The following KCNT2 variants were observed in gnomAD, a reference collection of about 807,000 sequenced individuals.
KCNT2 encodes the protein potassium sodium-activated channel subfamily T member 2.
KCNT2 carries 67 observed loss-of-function variants against 153.8 expected under a neutral mutation model. That is an observed-to-expected ratio of 0.44 (90% CI 0.36 to 0.53). The LOEUF is 0.53. Ranked by LOEUF, KCNT2 falls within the 20% of genes least tolerant of loss-of-function variation. KCNT2 has a pLI of 0.00. For missense variants in KCNT2, 975 were observed against 1,354.8 expected (o/e 0.72, Z 4.40); for synonymous variants, 500 against 458.8 (o/e 1.09, Z -1.15).
intron 18 of KCNT2, among the ~76,000 whole-genome samples, chr1:196,327,878 C>A (rs1033784062): frequency 1.3e-5 from 2 of 151,620 alleles, no homozygotes; most frequent in African/African-American, 4.8e-5. Flanking sequence ...CTCAAGCAAT[C>A]CACCCACCTC....
chr1:196,519,946 T>G (rs933461931), intron 1 of KCNT2, among the ~76,000 whole-genome samples: 4 of 152,132 alleles, frequency 2.6e-5, no homozygotes, highest in African/African-American at 9.7e-5. Flanking sequence ...GCTCATTCTA[T>G]GAGGCCAGGA....
At chr1:196,416,557 A>G (rs776111365) in intron 12 of KCNT2, among the ~76,000 whole-genome samples, 3 of 152,058 alleles carry the variant, frequency 2.0e-5, no homozygotes, top group Non-Finnish European at 4.4e-5. Flanking sequence ...TCACGGCTAT[A>G]TATGCTACTT....
At chr1:196,593,311 T>TATATATATATATATAC (rs1256165838) in intron 1 of KCNT2, among the ~76,000 whole-genome samples, 2 of 140,204 alleles carry the variant, frequency 1.4e-5, no homozygotes, top group African/African-American at 5.6e-5. Context: ...TATATATATA[T>TATATATATATATATAC]ACACACACAC....
chr1:196,495,811 A>T (rs953753151), intron 1 of KCNT2, among the ~76,000 whole-genome samples: 5 of 152,206 alleles, frequency 3.3e-5, no homozygotes, highest in Admixed American at 6.5e-5. Flanking sequence ...TATTTGATTT[A>T]AAAAGATACT....
intron 21 of KCNT2, 79 bp downstream of exon 21, chr1:196,315,813 C>T: frequency 7.8e-7 from 1 of 1,276,612 alleles, no homozygotes; most frequent in South Asian, 1.6e-5. Flanking sequence ...CATGTTCATT[C>T]CTCACAGAGT....
intron 1 of KCNT2, among the ~76,000 whole-genome samples, chr1:196,537,115 C>G (rs1468076441): frequency 6.6e-6 from 1 of 152,128 alleles, no homozygotes; most frequent in African/African-American, 2.4e-5. Flanking sequence ...GTTGTGCCTG[C>G]TGAATAGCCC....
chr1:196,393,601 ATG>A (rs569109369), intron 13 of KCNT2, among the ~76,000 whole-genome samples: 10 of 150,698 alleles, frequency 6.6e-5, no homozygotes, highest in South Asian at 2.1e-4. Flanking sequence ...GTGTGCATGT[ATG>A]TGTGTGTGTG....
At chr1:196,351,330 C>A (rs1238534900) in intron 14 of KCNT2, among the ~76,000 whole-genome samples, 1 of 152,106 alleles carries the variant, frequency 6.6e-6, no homozygotes, top group African/African-American at 2.4e-5. Context: ...TTCTTCCTAC[C>A]CATGAGCATG....
intron 5 of KCNT2, among the ~76,000 whole-genome samples, chr1:196,471,153 C>T (rs945989623): frequency 7.9e-5 from 12 of 151,862 alleles, no homozygotes; most frequent in African/African-American, 2.9e-4. Flanking sequence ...GTGATCCGCC[C>T]GCCTCGGCCT....
chr1:196,319,637 A>G (rs566769736), intron 19 of KCNT2, 82 bp from the exon 20 acceptor site: 1 of 851,748 alleles, frequency 1.2e-6, no homozygotes, highest in African/African-American at 1.7e-5. Flanking sequence ...AAGTTGACTT[A>G]GTTTGCATTT....
chr1:196,320,771 A>T (rs543847673), intron 19 of KCNT2, among the ~76,000 whole-genome samples: 23 of 151,638 alleles, frequency 1.5e-4, no homozygotes, highest in Admixed American at 2.6e-4. Context: ...AATTTCTCCT[A>T]TCATTAATTT....
chr1:196,574,424 T>C (rs1162717544), intron 1 of KCNT2, among the ~76,000 whole-genome samples: 1 of 151,764 alleles, frequency 6.6e-6, no homozygotes, highest in Non-Finnish European at 1.5e-5. Context: ...AAGGAATCAC[T>C]TAGAGTCATA....
intron 22 of KCNT2, among the ~76,000 whole-genome samples, chr1:196,298,280 A>C (rs1367296924): frequency 6.6e-6 from 1 of 152,180 alleles, no homozygotes; most frequent in African/African-American, 2.4e-5. Context: ...CACCCAATTT[A>C]AACACCAGCC....
intron 8 of KCNT2, among the ~76,000 whole-genome samples, chr1:196,464,926 C>T (rs892270751): frequency 1.2e-4 from 18 of 152,074 alleles, no homozygotes; most frequent in African/African-American, 4.3e-4. Context: ...GTTTTCTCAA[C>T]AGTGTTTCTG....
At chr1:196,393,450 T>C (rs1670655273) in intron 13 of KCNT2, among the ~76,000 whole-genome samples, 1 of 151,640 alleles carries the variant, frequency 6.6e-6, no homozygotes, top group Non-Finnish European at 1.5e-5. Flanking sequence ...CTCATCTGAC[T>C]AGGAGACAAA....
chr1:196,427,457 CTA>C (rs1256832659), intron 10 of KCNT2, among the ~76,000 whole-genome samples: 1 of 151,932 alleles, frequency 6.6e-6, no homozygotes, highest in Non-Finnish European at 1.5e-5. Context: ...CTTCAACAGA[CTA>C]AGTGCAGTAA....
At chr1:196,470,597 A>G (rs1307146523) in intron 5 of KCNT2, among the ~76,000 whole-genome samples, 4 of 152,126 alleles carry the variant, frequency 2.6e-5, no homozygotes, top group African/African-American at 9.7e-5. Context: ...AAAGCTTTAC[A>G]TGGGAGAAAG....
chr1:196,357,272 A>C (rs796145173), intron 14 of KCNT2, among the ~76,000 whole-genome samples: 115 of 152,016 alleles, frequency 7.6e-4, no homozygotes, highest in African/African-American at 2.7e-3. Flanking sequence ...CAATTATATG[A>C]CCTTATCTGC....
Position 196,258,472 on chromosome 1 carries a change from T to C in KCNT2, c.2933A>G (p.Glu978Gly), listed in dbSNP as rs773863943. 1 of 1,597,046 alleles carries C rather than the reference T, an allele frequency of 6.3e-7. No individual in the cohort carries two copies. Among genetic ancestry groups the C allele is most frequent in the Non-Finnish European group, 8.6e-7 (1 of 1,166,772 alleles). The part of the protein sequence containing the change: ...TSESQISISV[E>G]EWEDTKDSKE... ...GGAGTCTTTGGTGTCTTCCCACTCT[T>C]CTACACTGATAGATATTTGAGACTT... The change falls in exon 26 of 28, where the codon GAA becomes GGA. Residue 978 changes from glutamate (E) to glycine (G), a missense_variant. This residue lies in a region of KCNT2 where 241 missense variants were observed against 271.1 expected (regional missense o/e 0.89). Coordinates refer to ENST00000294725, the MANE Select transcript of KCNT2 (RefSeq NM_198503.5).
Sources: gnomAD v4.1 joint callset for allele counts (sites outside exome capture counted in the v4.1 genomes callset) on GRCh38, gnomAD v4.1.1 for gene constraint, gnomAD v4.1.1 regional missense constraint, MANE v1.5 for transcripts, NCBI Gene and HGNC (gene_info 2026-07-23, HGNC 2026-07-21) for gene names.